SARNP: variants seen among roughly 807,000 people sequenced by gnomAD.
SARNP encodes SAP domain containing ribonucleoprotein, also known as SAP domain-containing ribonucleoprotein.
Under a neutral mutation model 38.1 loss-of-function variants are expected in SARNP, and 5 were observed. That is an observed-to-expected ratio of 0.13 (90% CI 0.07 to 0.28). The LOEUF (loss-of-function observed/expected upper bound fraction) is 0.28. Among genes scored for constraint, SARNP ranks in the 10% least tolerant of loss-of-function variants. SARNP has a pLI of 1.00. For missense variants in SARNP, 180 were observed against 243.9 expected, an observed-to-expected ratio of 0.74 and a Z score of 1.75; for synonymous variants, 84 against 80.6, an observed-to-expected ratio of 1.04 and a Z score of -0.23.
At chr12:55,812,221 T>G (rs1880348431) in intron 1 of SARNP, among the ~76,000 whole-genome samples, 1 of 152,212 alleles carries the variant, frequency 6.6e-6, no homozygotes, top group African/African-American at 2.4e-5. Context: ...GTCCTTCAAC[T>G]CTTTTTGTAA....
rs758990878 is a variant in SARNP at position 55,790,577 on chromosome 12, T to C, written c.422A>G (p.Asn141Ser). The C allele has an allele frequency of 4.5e-6, 7 of 1,553,926 alleles. No homozygotes were observed. The highest frequency in any genetic ancestry group is 5.2e-6 in the Non-Finnish European group (6 of 1,149,946). Residue 141 changes from asparagine to serine, a missense_variant, in exon 8 of 11, where the codon AAC becomes AGC. Physicochemically the swap from Asn to Ser is conservative, Grantham distance 46 (BLOSUM62 1). Transcript: ENST00000336133. ...SVPTKGLSSD[N>S]KPMVNLDKLK... ...AAAAAGATTTCTTACCATAGGTTTG[T>C]TATCAGATGACAGACCTAAGGAAGT... is the stretch of plus-strand genomic sequence containing the variant.
At chr12:55,779,443 T>C (rs890622874) in intron 9 of SARNP, among the ~76,000 whole-genome samples, 2 of 152,218 alleles carry the variant, frequency 1.3e-5, no homozygotes, top group African/African-American at 4.8e-5. Context: ...CTTGAGTATA[T>C]TTGAATAGAA....
At chr12:55,808,205 G>A (rs953297651) in intron 1 of SARNP, among the ~76,000 whole-genome samples, 4 of 152,148 alleles carry the variant, frequency 2.6e-5, no homozygotes, top group Non-Finnish European at 5.9e-5. Context: ...AATAGAGGCT[G>A]GGCATGGTGG....
chr12:55,787,241 T>TAAAAAAAAAAAAAAAAAA (rs4016515), intron 9 of SARNP, among the ~76,000 whole-genome samples: 7 of 103,292 alleles, frequency 6.8e-5, no homozygotes, highest in African/African-American at 2.0e-4. Flanking sequence ...CAAAAAAGAC[T>TAAAAAAAAAAAAAAAAAA]AAAAAAAAAA....
chr12:55,767,075 C>T lies in SARNP; in HGVS notation c.502-6435G>A, dbSNP rs577197878. ...GAGAAAAGACAGACATTCAAGCCTG[C>T]TCCAAGATACAAATTACATGTGTAA... is the stretch of plus-strand genomic sequence containing the variant. On this transcript the variant is annotated intron_variant, in intron 9 of 10. Coordinates refer to ENST00000336133, the MANE Select transcript of SARNP (RefSeq NM_033082.4). 1.8e-4 allele frequency among the ~76,000 whole-genome samples: 28 copies of T among 152,280 alleles called. No individual in the cohort carries two copies. The South Asian group carries it at 5.8e-3, about 32-fold the overall frequency.
At chr12:55,816,993 T>C (rs1880508814) in intron 1 of SARNP, among the ~76,000 whole-genome samples, 1 of 152,052 alleles carries the variant, frequency 6.6e-6, no homozygotes, top group African/African-American at 2.4e-5. Context: ...TTGGAGATGG[T>C]GTGTGAGGAA....
Position 55,789,061 on chromosome 12 carries a change from C to G in SARNP, c.501+14G>C. On this transcript the variant is annotated intron_variant, in intron 9 of 10. Transcript: ENST00000336133. Reference sequence around the variant, plus strand: ...AATGTCACAAAAACATTACTTCCATCGAGCCTACATTACCTTTCTGGAGAT... The same window carrying G: ...AATGTCACAAAAACATTACTTCCATGGAGCCTACATTACCTTTCTGGAGAT... The G allele has an allele frequency of 6.4e-7, 1 of 1,572,506 alleles. No individual in the cohort carries two copies. The highest frequency in any genetic ancestry group is 8.7e-7 in the Non-Finnish European group (1 of 1,146,786).
intron 1 of SARNP, among the ~76,000 whole-genome samples, chr12:55,813,136 G>C (rs1880379753): frequency 6.6e-6 from 1 of 152,074 alleles, no homozygotes; most frequent in African/African-American, 2.4e-5. Flanking sequence ...AGTAGAGATG[G>C]GGTTTCACCA....
intron 4 of SARNP, among the ~76,000 whole-genome samples, chr12:55,798,137 T>C (rs1879873297): frequency 6.6e-6 from 1 of 152,212 alleles, no homozygotes; most frequent in East Asian, 1.9e-4. Context: ...TATCTAATTA[T>C]AAACATCTTA....
chr12:55,761,420 G>C (rs1451141890), intron 9 of SARNP: 1 of 152,146 alleles, frequency 6.6e-6, no homozygotes, highest in African/African-American at 2.4e-5. Flanking sequence ...TTATTTGCTT[G>C]AAACACCCAG....
chr12:55,779,259 G>A (rs1019596081), intron 9 of SARNP, among the ~76,000 whole-genome samples: 1 of 152,170 alleles, frequency 6.6e-6, no homozygotes, highest in Non-Finnish European at 1.5e-5. Flanking sequence ...GATGAAGGAG[G>A]GGGGAAATTC....
At chr12:55,811,295 G>A (rs1299200125) in intron 1 of SARNP, among the ~76,000 whole-genome samples, 1 of 152,038 alleles carries the variant, frequency 6.6e-6, no homozygotes, top group Non-Finnish European at 1.5e-5. Flanking sequence ...GGTGGCTCAT[G>A]CCTGTAATCC....
At chr12:55,774,575 C>CAAAAAAAAAAAAAAAAAAAAAAAA (rs1187594580) in intron 9 of SARNP, among the ~76,000 whole-genome samples, 1 of 41,216 alleles carries the variant, frequency 2.4e-5, no homozygotes, top group African/African-American at 1.3e-4. Flanking sequence ...AAAAAAAAAA[C>CAAAAAAAAAAAAAAAAAAAAAAAA]AAACAAAAAA....
chr12:55,760,440 A>G (rs577436373), intron 10 of SARNP, 111 bp downstream of exon 10: 4 of 686,194 alleles, frequency 5.8e-6, no homozygotes, highest in East Asian at 2.7e-5. Flanking sequence ...CTCGACTTAA[A>G]TAAGTAAATA....
Position 55,774,558 on chromosome 12 carries a change from T to TAAAAAAAAAAAAAAAAAAAAAA in SARNP, c.502-13919_502-13918insTTTTTTTTTTTTTTTTTTTTTT, listed in dbSNP as rs1565673497. ...CGACACGGTGAAACCCCGTCTCTAC[T>TAAAAAAAAAAAAAAAAAAAAAA]GAAAAAAAAAAAAAAACAAACAAAA... On this transcript the variant is annotated intron_variant, in intron 9 of 10. Transcript: ENST00000336133. Among the ~76,000 whole-genome samples, 25 of 40,520 alleles carry TAAAAAAAAAAAAAAAAAAAAAA rather than the reference T, an allele frequency of 6.2e-4. 4 individuals carry two copies. Among genetic ancestry groups the TAAAAAAAAAAAAAAAAAAAAAA allele is most frequent in the South Asian group, 2.2e-3 (2 of 920 alleles). The allele number at this position is 40,520 out of a possible 152,430, so 26.6% of individuals were successfully genotyped here.
At chr12:55,767,763 T>C (rs1272766833) in intron 9 of SARNP, among the ~76,000 whole-genome samples, 1 of 140,446 alleles carries the variant, frequency 7.1e-6, no homozygotes, top group Non-Finnish European at 1.5e-5. Context: ...AGGAGAATGG[T>C]GTGAACCCGG....
intron 5 of SARNP, among the ~76,000 whole-genome samples, chr12:55,795,530 T>C (rs2136197943): frequency 6.6e-6 from 1 of 152,278 alleles, no homozygotes; most frequent in South Asian, 2.1e-4. Flanking sequence ...CCAACACCAA[T>C]GGTATTCTTT....
intron 7 of SARNP, 45 bp downstream of exon 7, chr12:55,794,314 A>G (rs1399080090): frequency 2.0e-6 from 3 of 1,529,792 alleles, no homozygotes; most frequent in Non-Finnish European, 2.7e-6. Context: ...CCAGAAAAGA[A>G]AGAATAAAAA....
intron 8 of SARNP, among the ~76,000 whole-genome samples, chr12:55,789,952 A>AG (rs1879615736): frequency 6.6e-6 from 1 of 151,450 alleles, no homozygotes; most frequent in Admixed American, 6.6e-5. Context: ...TCAAAAAAAA[A>AG]AAAAAAAAAA....
Sources: gnomAD v4.1 joint callset for allele counts (sites outside exome capture counted in the v4.1 genomes callset) on GRCh38, gnomAD v4.1.1 for gene constraint, MANE v1.5 for transcripts, NCBI Gene and HGNC (gene_info 2026-07-23, HGNC 2026-07-21) for gene names.